Variants in TMEM26 observed in about 807,000 individuals in gnomAD.
TMEM26 encodes transmembrane protein 26.
TMEM26 carries 38 observed loss-of-function variants against 28.8 expected under a neutral mutation model. The ratio of observed to expected loss-of-function variants is 1.32; its 90% CI spans 1.02 to 1.73. The LOEUF (loss-of-function observed/expected upper bound fraction) is 1.73. Ranked by LOEUF, TMEM26 falls within the 40% of genes most tolerant of loss-of-function variation. TMEM26 has a pLI of 0.00. For synonymous variants in TMEM26, 227 were observed against 182.9 expected, an observed-to-expected ratio of 1.24 and a Z score of -1.95; for missense variants, 518 against 447.1, an observed-to-expected ratio of 1.16 and a Z score of -1.43.
chr10:61,427,630 C>T lies in TMEM26; in HGVS notation c.605+1296G>A, dbSNP rs534889869. On this transcript the variant is annotated intron_variant, in intron 4 of 5. Transcript: ENST00000399298. ...AGTCCATTAAGATAAATGAGTTAGGCATTTCTTACAATTTTATGACTGGCC... is the reference window on the plus strand; with the variant it reads ...AGTCCATTAAGATAAATGAGTTAGGTATTTCTTACAATTTTATGACTGGCC... Among the ~76,000 whole-genome samples, 6 of 152,178 alleles carry T rather than the reference C, an allele frequency of 3.9e-5. No homozygotes were observed. The South Asian group carries it at 1.2e-3, about 31-fold the overall frequency.
intron 5 of TMEM26, chr10:61,412,861 T>C (rs1839589425): frequency 9.3e-7 from 1 of 1,074,296 alleles, no homozygotes; most frequent in Non-Finnish European, 1.3e-6. Context: ...TAGTATAAAA[T>C]GCCTGGGAAA....
chr10:61,411,878 T>C (rs908032412), intron 5 of TMEM26, among the ~76,000 whole-genome samples: 1 of 152,242 alleles, frequency 6.6e-6, no homozygotes, highest in South Asian at 2.1e-4. Flanking sequence ...AAACATAATG[T>C]ACTATTTGTT....
chr10:61,418,072 A>T (rs556042220), intron 4 of TMEM26, among the ~76,000 whole-genome samples: 135 of 151,140 alleles, frequency 8.9e-4, no homozygotes, highest in Middle Eastern at 3.4e-3. Flanking sequence ...CAGCTTGGCT[A>T]TTTTTTTTTA....
At chr10:61,423,634 A>G (rs1839783036) in intron 4 of TMEM26, among the ~76,000 whole-genome samples, 1 of 152,112 alleles carries the variant, frequency 6.6e-6, no homozygotes, top group African/African-American at 2.4e-5. Context: ...CCTGCTTGGG[A>G]GGCTGAGGTG....
At chr10:61,446,874 A>G (rs1368154917) in intron 1 of TMEM26, among the ~76,000 whole-genome samples, 6 of 104,286 alleles carry the variant, frequency 5.8e-5, no homozygotes, top group Admixed American at 5.5e-4. Context: ...TTATTGCTAA[A>G]AAGATGCTGA....
In TMEM26 at chr10:61,410,102, A is replaced by G; in HGVS notation, c.*220T>C. 3.5e-6 allele frequency: 2 copies of G among 575,376 alleles called. No individual in the cohort carries two copies. The highest frequency in any genetic ancestry group is 6.1e-6 in the Non-Finnish European group (2 of 325,968). The allele number at this position is 575,376 out of a possible 1,614,324, so 35.6% of individuals were successfully genotyped here. A position where few individuals can be genotyped will look rare whatever the true frequency, so the allele number is the denominator to read the frequency against. On this transcript the variant is annotated 3_prime_UTR_variant, in exon 6 of 6. Coordinates refer to ENST00000399298, the MANE Select transcript of TMEM26 (RefSeq NM_178505.8). The stretch of plus-strand genomic sequence containing the variant: ...ATCACTTAGTCGTTGAACAACTATA[A>G]CATCTGATACCATCACACAGAAGTT...
rs34030340 is a variant in TMEM26 at position 61,446,817 on chromosome 10, C to CAAAAAAAAAAAAAAAAAAAAAAAAAAAA, written c.191+6046_191+6073dup. On this transcript the variant is annotated intron_variant, in intron 1 of 5. Transcript: ENST00000399298. ...CTGGCGACAGAGCGAGACTCCATCT[C>CAAAAAAAAAAAAAAAAAAAAAAAAAAAA]AAAAAAAAAAAAAAAAAAAAAAAAA... Among the ~76,000 whole-genome samples the CAAAAAAAAAAAAAAAAAAAAAAAAAAAA allele has an allele frequency of 1.2e-4, 4 of 33,938 alleles. 1 individual carries two copies. The highest frequency in any genetic ancestry group is 2.3e-4 in the African/African-American group (2 of 8,680). 22.3% of individuals were successfully genotyped at this position (33,938 alleles called of 152,430 possible).
intron 4 of TMEM26, among the ~76,000 whole-genome samples, chr10:61,421,553 A>T (rs189746267): frequency 1.1e-4 from 16 of 152,252 alleles, no homozygotes; most frequent in African/African-American, 3.6e-4. Context: ...TATTGTCCTT[A>T]TAAGAAAAGG....
At chr10:61,418,914 A>C (rs560789300) in intron 4 of TMEM26, among the ~76,000 whole-genome samples, 11 of 152,128 alleles carry the variant, frequency 7.2e-5, no homozygotes, top group Admixed American at 7.2e-4. Flanking sequence ...AACATCTTGA[A>C]CTCTAAATGT....
At chr10:61,423,255 A>C (rs1839777393) in intron 4 of TMEM26, among the ~76,000 whole-genome samples, 1 of 152,210 alleles carries the variant, frequency 6.6e-6, no homozygotes. Flanking sequence ...CCCTAGGTGA[A>C]TTCTATAAAA....
At chr10:61,418,971 G>A (rs1839698947) in intron 4 of TMEM26, among the ~76,000 whole-genome samples, 1 of 152,054 alleles carries the variant, frequency 6.6e-6, no homozygotes, top group Non-Finnish European at 1.5e-5. Flanking sequence ...AGTCATAAGG[G>A]CTCATAGTAT....
chr10:61,445,425 C>T (rs1017962023), intron 1 of TMEM26, among the ~76,000 whole-genome samples: 2 of 152,104 alleles, frequency 1.3e-5, no homozygotes, highest in East Asian at 1.9e-4. Context: ...TAAGGATGAC[C>T]GATTTTTATT....
In TMEM26 at chr10:61,412,988, A is replaced by G. The variant is rs748320944; in HGVS notation, c.682+471T>C. On this transcript the variant is annotated intron_variant, in intron 5 of 5. Coordinates refer to ENST00000399298, the MANE Select transcript of TMEM26 (RefSeq NM_178505.8). ...CTGCTCCTATGTCTTCTGAAGTTCTAATACATGGGTCTGAAAAAAGAATGA... is the reference window on the plus strand; with the variant it reads ...CTGCTCCTATGTCTTCTGAAGTTCTGATACATGGGTCTGAAAAAAGAATGA... 25 of 1,285,560 alleles carry G rather than the reference A, an allele frequency of 1.9e-5. No individual in the cohort carries two copies. In the South Asian group the frequency reaches 3.1e-4, roughly 16 times the overall value. The allele number at this position is 1,285,560 out of a possible 1,614,324, so 79.6% of individuals were successfully genotyped here.
At chr10:61,420,284 T>C (rs570554501) in intron 4 of TMEM26, among the ~76,000 whole-genome samples, 13 of 152,214 alleles carry the variant, frequency 8.5e-5, no homozygotes, top group African/African-American at 2.9e-4. Context: ...TATCTTCACA[T>C]TGAGTTGACT....
intron 1 of TMEM26, among the ~76,000 whole-genome samples, chr10:61,443,702 G>T (rs897577198): frequency 6.6e-6 from 1 of 152,002 alleles, no homozygotes; most frequent in Non-Finnish European, 1.5e-5. Context: ...ATTGTTTGTT[G>T]TTGCAATTTA....
At position 61,420,660 on chromosome 10, in the gene TMEM26, A is replaced by G. The variant is rs146669161; in HGVS notation, c.606-7125T>C. ...ATATATATGAAAAACCTGTCAACCA[A>G]TAATTCTTTATATAGCAAAATTATC... On this transcript the variant is annotated intron_variant, in intron 4 of 5. Transcript: ENST00000399298. Among the ~76,000 whole-genome samples the G allele has an allele frequency of 6.1e-3, 926 of 152,080 alleles. 11 individuals are homozygous for G. Among genetic ancestry groups the G allele is most frequent in the Middle Eastern group, 0.01 (3 of 294 alleles).
At chr10:61,414,667 T>G (rs1188362682) in intron 4 of TMEM26, 2 of 152,110 alleles carry the variant, frequency 1.3e-5, no homozygotes, top group African/African-American at 4.8e-5. Flanking sequence ...CATTTACTAT[T>G]AATCTCTAGT....
intron 2 of TMEM26, among the ~76,000 whole-genome samples, chr10:61,432,315 T>C (rs1280858328): frequency 6.6e-6 from 1 of 152,078 alleles, no homozygotes; most frequent in Admixed American, 6.6e-5. Context: ...CTATGGAAAA[T>C]TCAACAACAG....
At chr10:61,414,957 G>A in intron 4 of TMEM26, 1 of 983,732 alleles carries the variant, frequency 1.0e-6, no homozygotes. Flanking sequence ...GTGGATTCCT[G>A]TGTAAATGGC....
Sources: gnomAD v4.1 joint callset for allele counts (sites outside exome capture counted in the v4.1 genomes callset) on GRCh38, gnomAD v4.1.1 for gene constraint, MANE v1.5 for transcripts, NCBI Gene and HGNC (gene_info 2026-07-23, HGNC 2026-07-21) for gene names.